The following BTG4 variants were observed in gnomAD, a reference collection of about 807,000 sequenced individuals.
The protein encoded by BTG4 is BTG anti-proliferation factor 4, also known as protein BTG4.
A neutral mutation model predicts 19.3 loss-of-function variants in BTG4; 10 were observed. The observed-to-expected ratio is 0.52, with a 90% confidence interval of 0.32 to 0.88. The LOEUF is 0.88. Ranked by LOEUF, BTG4 falls within the 40% of genes least tolerant of loss-of-function variation. The probability of loss-of-function intolerance (pLI) is 0.04; values close to 1 mark genes in which losing one functional copy is unlikely to be tolerated. For synonymous variants in BTG4, 91 were observed against 95.7 expected (o/e 0.95, Z 0.29); for missense variants, 238 against 281.9 (o/e 0.84, Z 1.11).
chr11:111,386,295 A>T, the BTG4 span: 5 of 152,380 alleles, frequency 3.3e-5, no homozygotes, highest in African/African-American at 1.2e-4. Flanking sequence ...CTTTAGGGCT[A>T]TAACAATGAA....
chr11:111,472,841 T>C (rs1303472008), intron 5 of BTG4, among the ~76,000 whole-genome samples: 3 of 152,252 alleles, frequency 2.0e-5, no homozygotes, highest in African/African-American at 7.2e-5. Context: ...GAGATGTATT[T>C]ACTGTGTTAA....
rs1301491466 is a variant in BTG4, at chr11:111,498,082, C to T, written c.227G>A (p.Cys76Tyr). The T allele has an allele frequency of 6.2e-7, 1 of 1,614,116 alleles. No individual in the cohort carries two copies. The highest frequency in any genetic ancestry group is 1.7e-5 in the Admixed American group (1 of 60,026). Residue 76 changes from cysteine (C) to tyrosine (Y), a missense_variant, in exon 3 of 5, where the codon TGT (cysteine) becomes TAT (tyrosine). Coordinates refer to ENST00000692032, the MANE Select transcript of BTG4 (RefSeq NM_001367975.1). ...QNKDPILERA[C>Y]VESNVDFSHL... ...AGAAAAATCTACATTACTTTCCACA[C>T]ATGCCCTTTCTAGAATGGGATCTTT... is the stretch of plus-strand genomic sequence containing the variant.
chr11:111,493,027 TC>T (rs1865511085), downstream of BTG4, among the ~76,000 whole-genome samples: 1 of 152,104 alleles, frequency 6.6e-6, no homozygotes, highest in Non-Finnish European at 1.5e-5. Context: ...ACGCTTGTAG[TC>T]CCAGCTACTC....
At chr11:111,478,486 T>TA (rs1864529343) in intron 5 of BTG4, among the ~76,000 whole-genome samples, 1 of 151,860 alleles carries the variant, frequency 6.6e-6, no homozygotes, top group Non-Finnish European at 1.5e-5. Flanking sequence ...ACCAGAAAGA[T>TA]AAACAAAGAG....
At chr11:111,436,576 G>A in the BTG4 span, among the ~76,000 whole-genome samples, 6 of 149,522 alleles carry the variant, frequency 4.0e-5, no homozygotes, top group African/African-American at 4.9e-5. Flanking sequence ...GCAGTGAGCC[G>A]AGATCTCACC....
chr11:111,397,913 T>C, the BTG4 span: 1 of 152,230 alleles, frequency 6.6e-6, no homozygotes, highest in East Asian at 1.9e-4. Context: ...GTTAAAGAAA[T>C]ACTGTGTGCA....
chr11:111,496,577 A>G (rs1865745053), intron 4 of BTG4: 1 of 152,172 alleles, frequency 6.6e-6, no homozygotes. Flanking sequence ...ATACAAACAA[A>G]TATATACATA....
At chr11:111,491,160 T>C (rs953370776), downstream of BTG4, among the ~76,000 whole-genome samples, 5 of 152,156 alleles carry the variant, frequency 3.3e-5, no homozygotes, top group Admixed American at 6.5e-5. Context: ...ATAACATTTT[T>C]GAGATGACAA....
At chr11:111,404,986 T>C in the BTG4 span, among the ~76,000 whole-genome samples, 1 of 152,232 alleles carries the variant, frequency 6.6e-6, no homozygotes, top group African/African-American at 2.4e-5. Flanking sequence ...TTCTTATACA[T>C]CATCCCCCAC....
At chr11:111,388,366 C>T in the BTG4 span, among the ~76,000 whole-genome samples, 1 of 150,264 alleles carries the variant, frequency 6.7e-6, no homozygotes, top group Non-Finnish European at 1.5e-5. Context: ...TGTGACATTG[C>T]TTTGGGATTT....
At chr11:111,456,470 GGCCCCCA>G in the BTG4 span, 3 of 454,686 alleles carry the variant, frequency 6.6e-6, no homozygotes, top group South Asian at 4.7e-5. This position sits in a 1 kb window ranked among gnomAD's most constrained non-coding sequence, Gnocchi z 4.2. Context: ...CTCTCCCACC[GGCCCCCA>G]GCCCAGGGCT....
At chr11:111,406,838 T>G in the BTG4 span, among the ~76,000 whole-genome samples, 1 of 152,210 alleles carries the variant, frequency 6.6e-6, no homozygotes. Flanking sequence ...ACCCAGGCAG[T>G]GCACCTCATA....
At chr11:111,443,111 T>C in the BTG4 span, among the ~76,000 whole-genome samples, 1 of 152,246 alleles carries the variant, frequency 6.6e-6, no homozygotes, top group African/African-American at 2.4e-5. Flanking sequence ...AATGGCACCT[T>C]GCCTCTGTGG....
At chr11:111,447,651 G>A in the BTG4 span, among the ~76,000 whole-genome samples, 1 of 152,224 alleles carries the variant, frequency 6.6e-6, no homozygotes, top group African/African-American at 2.4e-5. Flanking sequence ...GAGAGCAGAG[G>A]CGGCAGATGG....
At chr11:111,403,145 T>C in the BTG4 span, among the ~76,000 whole-genome samples, 3 of 152,170 alleles carry the variant, frequency 2.0e-5, no homozygotes, top group Non-Finnish European at 4.4e-5. Context: ...AGCTCTTAAC[T>C]CGAGCATGAC....
At chr11:111,474,322 A>G (rs1215747152) in intron 5 of BTG4, among the ~76,000 whole-genome samples, 1 of 151,948 alleles carries the variant, frequency 6.6e-6, no homozygotes, top group Non-Finnish European at 1.5e-5. Context: ...GTTCTTTAGA[A>G]GCAGCTTATG....
At chr11:111,496,416 GCAT>G (rs1865734450) in intron 4 of BTG4, 1 of 152,008 alleles carries the variant, frequency 6.6e-6, no homozygotes, top group African/African-American at 2.4e-5. Context: ...TAAAATTCAG[GCAT>G]CACTATACGA....
chr11:111,391,279 C>G, the BTG4 span, among the ~76,000 whole-genome samples: 1 of 152,184 alleles, frequency 6.6e-6, no homozygotes, highest in Non-Finnish European at 1.5e-5. Flanking sequence ...AAACTCCAAA[C>G]TCATACTGTT....
the BTG4 span, among the ~76,000 whole-genome samples, chr11:111,403,978 T>C: frequency 1.3e-5 from 2 of 152,320 alleles, no homozygotes; most frequent in Admixed American, 6.5e-5. Context: ...CATATATCCA[T>C]TGATATGGTT....
Sources: gnomAD v4.1 joint callset for allele counts (sites outside exome capture counted in the v4.1 genomes callset) on GRCh38, gnomAD v4.1.1 for gene constraint, Gnocchi (gnomAD v3.1) non-coding constraint, MANE v1.5 for transcripts, NCBI Gene and HGNC (gene_info 2026-07-23, HGNC 2026-07-21) for gene names.